The following PTPRE variants were observed in gnomAD, a reference collection of about 807,000 sequenced individuals.
PTPRE encodes protein tyrosine phosphatase receptor type E, also known as receptor-type tyrosine-protein phosphatase epsilon.
A neutral mutation model predicts 102.0 loss-of-function variants in PTPRE; 51 were observed. The ratio of observed to expected loss-of-function variants is 0.50; its 90% CI spans 0.40 to 0.63. The LOEUF is 0.63. PTPRE is among the 30% of genes least tolerant of loss of function. The probability of loss-of-function intolerance (pLI) is 0.00; values close to 1 mark genes in which losing one functional copy is unlikely to be tolerated. For missense variants in PTPRE, 752 were observed against 915.1 expected (o/e 0.82, Z 2.30); for synonymous variants, 345 against 348.2 (o/e 0.99, Z 0.10).
intron 1 of PTPRE, among the ~76,000 whole-genome samples, chr10:127,911,680 G>C (rs1469334469): frequency 6.6e-6 from 1 of 152,146 alleles, no homozygotes; most frequent in African/African-American, 2.4e-5. Context: ...TCCGTACAAG[G>C]CTGGATCCCA....
intron 2 of PTPRE, among the ~76,000 whole-genome samples, chr10:128,003,837 C>G (rs920134251): frequency 6.6e-6 from 1 of 152,028 alleles, no homozygotes; most frequent in Non-Finnish European, 1.5e-5. Context: ...CAGAAAGGAA[C>G]AAAGTTTAGC....
intron 1 of PTPRE, among the ~76,000 whole-genome samples, chr10:127,956,742 G>C (rs1260633580): frequency 6.6e-6 from 1 of 152,212 alleles, no homozygotes; most frequent in African/African-American, 2.4e-5. Context: ...GGTGTTGTCA[G>C]TGTTCCGGAT....
At chr10:128,027,940 A>G (rs1846402966) in intron 2 of PTPRE, among the ~76,000 whole-genome samples, 1 of 152,208 alleles carries the variant, frequency 6.6e-6, no homozygotes, top group African/African-American at 2.4e-5. Context: ...TTTGGGCAGA[A>G]ACAAAGAAGC....
intron 1 of PTPRE, among the ~76,000 whole-genome samples, chr10:127,972,933 C>G (rs749006903): frequency 6.6e-6 from 1 of 152,112 alleles, no homozygotes; most frequent in African/African-American, 2.4e-5. Flanking sequence ...TGCAGCGGCT[C>G]GAGCACATAC....
chr10:128,082,107 A>G (rs910522641), intron 20 of PTPRE, among the ~76,000 whole-genome samples: 1 of 151,894 alleles, frequency 6.6e-6, no homozygotes, highest in African/African-American at 2.4e-5. Context: ...AGGCTTTAAA[A>G]TAATCTAGAT....
intron 2 of PTPRE, among the ~76,000 whole-genome samples, chr10:128,026,102 G>T (rs1258066606): frequency 2.0e-5 from 3 of 152,182 alleles, no homozygotes; most frequent in Non-Finnish European, 4.4e-5. Context: ...GGCATGGTGG[G>T]TGGCTATGTG....
intron 1 of PTPRE, among the ~76,000 whole-genome samples, chr10:127,916,961 C>T (rs1225728643): frequency 5.3e-5 from 8 of 151,998 alleles, no homozygotes; most frequent in Non-Finnish European, 8.8e-5. Context: ...CCCCTTTGTG[C>T]GGCCTGGCCA....
In PTPRE at chr10:127,960,160, G is replaced by A. The variant is rs1425558933; in HGVS notation, c.-30-22114G>A. ...CTTGCTGGCATGCGGGTGCCCCAGG[G>A]ACTCGAGATCCTGTTGCTGAATGAT... is the stretch of plus-strand genomic sequence containing the variant. On this transcript the variant is annotated intron_variant, in intron 1 of 20. Coordinates refer to ENST00000254667, the MANE Select transcript of PTPRE (RefSeq NM_006504.6). Among the ~76,000 whole-genome samples, 7 of 152,286 alleles carry A rather than the reference G, an allele frequency of 4.6e-5. No homozygotes were observed. In the East Asian group the frequency reaches 1.4e-3, roughly 29 times the overall value.
In PTPRE at chr10:128,053,527, G is replaced by T. The variant is rs565757111; in HGVS notation, c.421-2596G>T. On this transcript the variant is annotated intron_variant, in intron 6 of 20. Coordinates refer to ENST00000254667, the MANE Select transcript of PTPRE (RefSeq NM_006504.6). The stretch of plus-strand genomic sequence containing the variant: ...AGAGAAAGGGCTGCAGAGTCCATGT[G>T]GGTGGTTATTCTGTGCACTTGGATC... Among the ~76,000 whole-genome samples the T allele has an allele frequency of 3.3e-5, 5 of 152,312 alleles. No homozygotes were observed. The East Asian group carries it at 9.7e-4, about 29-fold the overall frequency.
intron 2 of PTPRE, among the ~76,000 whole-genome samples, 193 bp downstream of exon 2, chr10:127,982,489 CGTGTGTGTGTGT>C (rs59170572): frequency 0.19 from 27,275 of 142,592 alleles, 2,514 homozygotes; most frequent in Non-Finnish European, 0.21. Context: ...ACATCATTTG[CGTGTGTGTGTGT>C]GTGTGTGTGT....
At chr10:128,061,056 G>A (rs200137050) in intron 8 of PTPRE, 41 bp downstream of exon 8, 6 of 1,586,546 alleles carry the variant, frequency 3.8e-6, no homozygotes, top group East Asian at 2.2e-5. Context: ...GCCCAGCTGG[G>A]GCATGAGCAG....
At chr10:128,082,203 T>C (rs1330785674) in intron 20 of PTPRE, among the ~76,000 whole-genome samples, 2,767 of 125,000 alleles carry the variant, frequency 0.022, 219 homozygotes, top group Non-Finnish European at 0.034. Flanking sequence ...TTCTTTTTTT[T>C]TTTTTTTTTT....
At chr10:127,969,047 T>C (rs920041578) in intron 1 of PTPRE, among the ~76,000 whole-genome samples, 1 of 152,192 alleles carries the variant, frequency 6.6e-6, no homozygotes, top group Non-Finnish European at 1.5e-5. Flanking sequence ...CCAACAATGG[T>C]TTTCACCCCA....
chr10:128,028,264 C>A lies in PTPRE; in HGVS notation c.-7-12611C>A, dbSNP rs375720064. Among the ~76,000 whole-genome samples, 2 of 152,152 alleles carry A rather than the reference C, an allele frequency of 1.3e-5. No homozygotes were observed. Among genetic ancestry groups the A allele is most frequent in the South Asian group, 2.1e-4 (1 of 4,826 alleles). On this transcript the variant is annotated intron_variant, in intron 2 of 20. Coordinates refer to ENST00000254667, the MANE Select transcript of PTPRE (RefSeq NM_006504.6). The surrounding 1 kb of genome is among the most constrained non-coding windows in gnomAD (Gnocchi z 4.5). ...TAAATATGGGATCCGGATCACCCTG[C>A]GCCTGTCTCCTCCCCAGTCCTTTCT...
intron 20 of PTPRE, among the ~76,000 whole-genome samples, chr10:128,080,415 G>T (rs923203989): frequency 1.3e-5 from 2 of 152,184 alleles, no homozygotes; most frequent in African/African-American, 4.8e-5. Flanking sequence ...TAGAGAGGCA[G>T]GAAGGAGGCC....
chr10:127,993,204 G>A (rs1005469653), intron 2 of PTPRE, among the ~76,000 whole-genome samples: 1 of 152,200 alleles, frequency 6.6e-6, no homozygotes, highest in Non-Finnish European at 1.5e-5. Flanking sequence ...AAATCCCCAG[G>A]AAAGGGTTTT....
At position 127,909,526 on chromosome 10, in the gene PTPRE, C is replaced by T. The variant is rs548413710; in HGVS notation, c.-31+2217C>T. Among the ~76,000 whole-genome samples, 5 of 152,306 alleles carry T rather than the reference C, an allele frequency of 3.3e-5. No homozygotes were observed. In the South Asian group the frequency reaches 6.2e-4, roughly 19 times the overall value. ...CTCCGCAGCTGCCCACTTGACATTT[C>T]TCCCTGGGATATCAAATGCCCCTTG... On this transcript the variant is annotated intron_variant, in intron 1 of 20. Coordinates refer to ENST00000254667, the MANE Select transcript of PTPRE (RefSeq NM_006504.6).
At position 128,079,136 on chromosome 10, in the gene PTPRE, G is replaced by A. The variant is rs80183520; in HGVS notation, c.1893-424G>A. 1.4e-4 allele frequency among the ~76,000 whole-genome samples: 22 copies of A among 152,294 alleles called. No homozygotes were observed. In the East Asian group the frequency reaches 4.3e-3, roughly 29 times the overall value. ...TGTTTCAGAAGACACCCCTGGCACAGTAAGGAGAGGGTATGCCAAGATTAC... is the reference window on the plus strand; with the variant it reads ...TGTTTCAGAAGACACCCCTGGCACAATAAGGAGAGGGTATGCCAAGATTAC... On this transcript the variant is annotated intron_variant, in intron 19 of 20. Transcript: ENST00000254667.
intron 1 of PTPRE, among the ~76,000 whole-genome samples, chr10:127,973,614 T>G (rs998617467): frequency 6.6e-6 from 1 of 152,278 alleles, no homozygotes; most frequent in Admixed American, 6.5e-5. Context: ...CTGAGGAATA[T>G]CTAACAAACG....
Sources: gnomAD v4.1 joint callset for allele counts (sites outside exome capture counted in the v4.1 genomes callset) on GRCh38, gnomAD v4.1.1 for gene constraint, Gnocchi (gnomAD v3.1) non-coding constraint, MANE v1.5 for transcripts, NCBI Gene and HGNC (gene_info 2026-07-23, HGNC 2026-07-21) for gene names.